The following RSRC1 variants were observed in gnomAD, a reference collection of about 807,000 sequenced individuals.
RSRC1 encodes the protein arginine and serine rich coiled-coil 1.
RSRC1 carries 39 observed loss-of-function variants against 49.1 expected under a neutral mutation model. The observed-to-expected ratio is 0.79, with a 90% CI of 0.61 to 1.04. The LOEUF (loss-of-function observed/expected upper bound fraction) is 1.04. RSRC1 is among the 50% of genes least tolerant of loss of function. The pLI, the probability that RSRC1 is intolerant of heterozygous loss-of-function variation, is 0.00. For missense variants in RSRC1, 388 were observed against 402.4 expected, an observed-to-expected ratio of 0.96 and a Z score of 0.31; for synonymous variants, 143 against 130.8, an observed-to-expected ratio of 1.09 and a Z score of -0.63.
At chr3:158,183,272 A>C (rs1463544474) in intron 3 of RSRC1, among the ~76,000 whole-genome samples, 3 of 150,964 alleles carry the variant, frequency 2.0e-5, no homozygotes, top group Non-Finnish European at 4.4e-5. Context: ...AAGATAATAG[A>C]TTGAATTTTA....
intron 7 of RSRC1, among the ~76,000 whole-genome samples, chr3:158,504,541 T>G (rs1327011464): frequency 1.3e-5 from 2 of 152,340 alleles, no homozygotes; most frequent in East Asian, 3.9e-4. Flanking sequence ...ATGACCTAGA[T>G]TTACACACTG....
At chr3:158,191,256 G>A (rs1333707371) in intron 3 of RSRC1, among the ~76,000 whole-genome samples, 2 of 151,890 alleles carry the variant, frequency 1.3e-5, no homozygotes, top group African/African-American at 4.8e-5. Context: ...GAAATTAGGT[G>A]TCCATGTTCA....
At chr3:158,345,773 G>A (rs1255608009) in intron 5 of RSRC1, among the ~76,000 whole-genome samples, 1 of 123,916 alleles carries the variant, frequency 8.1e-6, no homozygotes, top group Non-Finnish European at 1.8e-5. Context: ...ATATGTGTGT[G>A]TGTATATATA....
chr3:158,485,665 A>G (rs1408328217), intron 7 of RSRC1, among the ~76,000 whole-genome samples: 1 of 151,990 alleles, frequency 6.6e-6, no homozygotes, highest in Non-Finnish European at 1.5e-5. Flanking sequence ...CTTTTTTAAC[A>G]TTGGTGAATC....
chr3:158,132,965 G>T (rs757825467), intron 3 of RSRC1, among the ~76,000 whole-genome samples: 6 of 152,196 alleles, frequency 3.9e-5, no homozygotes, highest in Non-Finnish European at 8.8e-5. Flanking sequence ...GTTTTGAGAT[G>T]AGTGTAGAGT....
intron 6 of RSRC1, among the ~76,000 whole-genome samples, chr3:158,408,926 G>C (rs907375687): frequency 2.6e-5 from 4 of 152,122 alleles, no homozygotes; most frequent in African/African-American, 9.6e-5. Flanking sequence ...CCAGCTACTT[G>C]GGAGGCTGAG....
chr3:158,527,883 T>A (rs1451795581), intron 7 of RSRC1, among the ~76,000 whole-genome samples: 1 of 151,956 alleles, frequency 6.6e-6, no homozygotes, highest in Non-Finnish European at 1.5e-5. Context: ...GCATTACATT[T>A]TTATCATGAG....
At chr3:158,476,150 C>T (rs996638695) in intron 7 of RSRC1, among the ~76,000 whole-genome samples, 18 of 152,164 alleles carry the variant, frequency 1.2e-4, no homozygotes, top group African/African-American at 3.4e-4. Flanking sequence ...AAGGTCCTAA[C>T]TCCCTTCAAT....
In RSRC1 at chr3:158,541,100, C is replaced by G. The variant is rs1713007967; in HGVS notation, c.760-2235C>G. 2.0e-5 allele frequency among the ~76,000 whole-genome samples: 3 copies of G among 152,140 alleles called. No individual in the cohort carries two copies. In the South Asian group the frequency reaches 6.2e-4, roughly 32 times the overall value. On this transcript the variant is annotated intron_variant, in intron 8 of 9. Coordinates refer to ENST00000611884, the MANE Select transcript of RSRC1 (RefSeq NM_001271838.2). The stretch of plus-strand genomic sequence containing the variant: ...TGCAGTGTCTCACTGTCTTTTTGCT[C>G]ACTATACACCAGCCCCTCTGGCCTT...
intron 4 of RSRC1, among the ~76,000 whole-genome samples, chr3:158,277,170 T>G (rs973155721): frequency 6.6e-6 from 1 of 152,192 alleles, no homozygotes; most frequent in Non-Finnish European, 1.5e-5. Flanking sequence ...GTAATTAAAA[T>G]GCATGAATTT....
chr3:158,473,225 G>A (rs112757473), intron 7 of RSRC1, among the ~76,000 whole-genome samples: 1,888 of 152,124 alleles, frequency 0.012, 35 homozygotes, highest in African/African-American at 0.043. Context: ...TATGTTTATC[G>A]CGGCACTACT....
intron 7 of RSRC1, among the ~76,000 whole-genome samples, chr3:158,463,486 G>A (rs879453179): frequency 2.6e-5 from 4 of 152,054 alleles, no homozygotes; most frequent in Non-Finnish European, 2.9e-5. Flanking sequence ...TTTTCAGTCT[G>A]TAAGCCACTA....
chr3:158,464,028 T>A (rs1339428748), intron 7 of RSRC1, among the ~76,000 whole-genome samples: 2 of 152,196 alleles, frequency 1.3e-5, no homozygotes, highest in African/African-American at 4.8e-5. Context: ...CCTTTTTTTC[T>A]AATTCTAGAT....
chr3:158,192,625 A>G (rs1233958696), intron 3 of RSRC1, among the ~76,000 whole-genome samples: 2 of 151,860 alleles, frequency 1.3e-5, no homozygotes, highest in African/African-American at 4.8e-5. Flanking sequence ...ATGTGATCAG[A>G]CTCTGCTTCC....
chr3:158,447,833 C>T (rs563201367), intron 6 of RSRC1, among the ~76,000 whole-genome samples: 43 of 151,654 alleles, frequency 2.8e-4, no homozygotes, highest in Non-Finnish European at 5.6e-4. Flanking sequence ...ATGACTTTTT[C>T]GATATCAGAA....
intron 6 of RSRC1, among the ~76,000 whole-genome samples, chr3:158,430,882 G>A (rs74575946): frequency 0.016 from 2,463 of 151,998 alleles, 53 homozygotes; most frequent in African/African-American, 0.056. Flanking sequence ...ACCTGAAAAG[G>A]TTAGGAAAAC....
At chr3:158,322,071 A>G (rs1315912464) in intron 5 of RSRC1, among the ~76,000 whole-genome samples, 2 of 151,980 alleles carry the variant, frequency 1.3e-5, no homozygotes, top group East Asian at 3.9e-4. Context: ...TGTGGTTCCA[A>G]GTTACCATGT....
At chr3:158,430,227 G>C (rs1735711628) in intron 6 of RSRC1, among the ~76,000 whole-genome samples, 1 of 151,748 alleles carries the variant, frequency 6.6e-6, no homozygotes, top group African/African-American at 2.4e-5. Flanking sequence ...AAACTTTTTT[G>C]CATCATTTAT....
At chr3:158,110,902 T>C (rs967849941) in intron 1 of RSRC1, among the ~76,000 whole-genome samples, 1 of 152,258 alleles carries the variant, frequency 6.6e-6, no homozygotes, top group Non-Finnish European at 1.5e-5. Flanking sequence ...TGTTGCCTGC[T>C]CTTGATTTTA....
Sources: allele counts gnomAD v4.1 joint callset (sites outside exome capture counted in the v4.1 genomes callset), GRCh38; gene constraint gnomAD v4.1.1; transcripts MANE v1.5; gene names NCBI Gene and HGNC (gene_info 2026-07-23, HGNC 2026-07-21).